Variants in FXN observed in about 807,000 individuals in gnomAD.
FXN encodes frataxin, mitochondrial.
Under a neutral mutation model 22.4 loss-of-function variants are expected in FXN, and 14 were observed. The observed-to-expected ratio is 0.62, with a 90% CI of 0.41 to 0.98. FXN has a LOEUF of 0.98. Ranked by LOEUF, FXN falls within the 50% of genes least tolerant of loss-of-function variation. FXN has a pLI of 0.00. For synonymous variants in FXN, 120 were observed against 114.1 expected, an observed-to-expected ratio of 1.05 and a Z score of -0.33; for missense variants, 267 against 268.4, an observed-to-expected ratio of 0.99 and a Z score of 0.04.
rs1359522192 is a variant in FXN, at chr9:69,075,569, C to T, written c.*2807C>T. On this transcript the variant is annotated 3_prime_UTR_variant, in exon 5 of 5. Coordinates refer to ENST00000484259, the MANE Select transcript of FXN (RefSeq NM_000144.5). ...ACTGGAAAAGTACCACTGTGTGTAC[C>T]AATAGCCTCCCCACCACAGACCCTG... 1.0e-6 allele frequency: 1 copy of T among 985,038 alleles called. No individual in the cohort carries two copies. The highest frequency in any genetic ancestry group is 1.1e-4 in the East Asian group (1 of 8,824). 61.0% of individuals were successfully genotyped at this position (985,038 alleles called of 1,614,324 possible).
Position 69,074,590 on chromosome 9 carries a change from G to GTGAATA in FXN, c.*1829_*1834dup. 3 of 985,126 alleles carry GTGAATA rather than the reference G, an allele frequency of 3.0e-6. No individual in the cohort carries two copies. The highest frequency in any genetic ancestry group is 3.6e-6 in the Non-Finnish European group (3 of 829,844). The allele number at this position is 985,126 out of a possible 1,614,324, so 61.0% of individuals were successfully genotyped here. ...TATGTAGCAAAGGCTTTTCCAATGG[G>GTGAATA]TGAATAAAAACACATTCCATTAAGT... is the stretch of plus-strand genomic sequence containing the variant. On this transcript the variant is annotated 3_prime_UTR_variant, in exon 5 of 5. Coordinates refer to ENST00000484259, the MANE Select transcript of FXN (RefSeq NM_000144.5).
chr9:69,070,293 G>A (rs1011946609), intron 4 of FXN, among the ~76,000 whole-genome samples: 18 of 151,970 alleles, frequency 1.2e-4, no homozygotes, highest in Non-Finnish European at 1.9e-4. Context: ...CATTGAGAGA[G>A]TGCTCCAGGC....
chr9:69,065,171 TAG>T, intron 4 of FXN, 136 bp downstream of exon 4: 1 of 715,770 alleles, frequency 1.4e-6, no homozygotes, highest in Non-Finnish European at 2.5e-6. Context: ...GAGGCTGAGG[TAG>T]GAGGATCACT....
intron 1 of FXN, among the ~76,000 whole-genome samples, chr9:69,044,135 A>G (rs906649488): frequency 2.0e-5 from 3 of 152,198 alleles, no homozygotes; most frequent in Non-Finnish European, 4.4e-5. Flanking sequence ...CTTACAGGGT[A>G]CCTAGCCTTG....
chr9:69,043,355 A>G (rs2133098315), intron 1 of FXN: 1 of 152,300 alleles, frequency 6.6e-6, no homozygotes. Context: ...GAGAAAATGC[A>G]TGTGTTAGAG....
chr9:69,053,094 G>T (rs1411676374), intron 2 of FXN, 46 bp from the exon 3 acceptor site: 3 of 1,598,462 alleles, frequency 1.9e-6, no homozygotes, highest in Non-Finnish European at 2.6e-6. Flanking sequence ...TTAATAAAAT[G>T]GAAGCATTTG....
intron 4 of FXN, among the ~76,000 whole-genome samples, chr9:69,066,309 G>A (rs139838469): frequency 1.8e-4 from 27 of 152,242 alleles, no homozygotes; most frequent in African/African-American, 6.3e-4. Flanking sequence ...CCCTAACATT[G>A]ACATCATTTT....
chr9:69,075,012 GCTGCT>G lies in FXN; in HGVS notation c.*2254_*2258del. 1 of 985,434 alleles carries G rather than the reference GCTGCT, an allele frequency of 1.0e-6. No homozygotes were observed. Among genetic ancestry groups the G allele is most frequent in the African/African-American group, 1.7e-5 (1 of 57,346 alleles). 61.0% of individuals were successfully genotyped at this position (985,434 alleles called of 1,614,324 possible). A position where few individuals can be genotyped will look rare whatever the true frequency, so the allele number is the denominator to read the frequency against. On this transcript the variant is annotated 3_prime_UTR_variant, in exon 5 of 5. Transcript: ENST00000484259. ...CAGCACAAAAGAGGTATGCAGTGGGGCTGCTCTGACATGAAAGTGGAAGTTAAGGA... is the reference window on the plus strand; with the variant it reads ...CAGCACAAAAGAGGTATGCAGTGGGGCTGACATGAAAGTGGAAGTTAAGGA...
intron 1 of FXN, among the ~76,000 whole-genome samples, chr9:69,044,971 A>C (rs1414519002): frequency 6.6e-6 from 1 of 152,146 alleles, no homozygotes; most frequent in African/African-American, 2.4e-5. Context: ...TGCCTCTCTT[A>C]GTGACCTTTT....
intron 1 of FXN, among the ~76,000 whole-genome samples, chr9:69,039,743 T>C (rs1469948152): frequency 3.3e-5 from 5 of 152,326 alleles, no homozygotes; most frequent in Admixed American, 2.6e-4. Context: ...GAGAAGGAGA[T>C]AACTGGATGT....
intron 1 of FXN, chr9:69,036,323 C>T (rs1831551040): frequency 6.2e-6 from 1 of 161,640 alleles, no homozygotes; most frequent in African/African-American, 2.4e-5. Context: ...TAGATGGTAT[C>T]TGCTAGTATA....
rs72724260 is a variant in FXN, at chr9:69,076,767, C to A, written c.*4005C>A. On this transcript the variant is annotated 3_prime_UTR_variant, in exon 5 of 5. Transcript: ENST00000484259. The stretch of plus-strand genomic sequence containing the variant: ...ATTTTAGTCCGTGTCCAGTTGGATT[C>A]TTGGCACATAGTTATCTTCTGCTAG... 0.017 allele frequency: 16,418 copies of A among 985,416 alleles called. 154 individuals carry two copies. Among genetic ancestry groups the A allele is most frequent in the Non-Finnish European group, 0.019 (15,476 of 829,914 alleles). The allele number at this position is 985,416 out of a possible 1,614,324, so 61.0% of individuals were successfully genotyped here.
At chr9:69,051,277 G>A (rs997938638) in intron 2 of FXN, among the ~76,000 whole-genome samples, 2 of 151,926 alleles carry the variant, frequency 1.3e-5, no homozygotes, top group African/African-American at 4.8e-5. Flanking sequence ...TTAATTTTTG[G>A]TAGAGACGGG....
At position 69,075,043 on chromosome 9, in the gene FXN, A is replaced by C; in HGVS notation, c.*2281A>C. On this transcript the variant is annotated 3_prime_UTR_variant, in exon 5 of 5. Coordinates refer to ENST00000484259, the MANE Select transcript of FXN (RefSeq NM_000144.5). ...CTGACATGAAAGTGGAAGTTAAGGA[A>C]TCTGGGCTCTTATGGGGTCCTTGTG... 1.0e-6 allele frequency: 1 copy of C among 985,406 alleles called. No homozygotes were observed. Among genetic ancestry groups the C allele is most frequent in the Non-Finnish European group, 1.2e-6 (1 of 829,946 alleles). The allele number at this position is 985,406 out of a possible 1,614,324, so 61.0% of individuals were successfully genotyped here.
chr9:69,046,368 T>C lies in FXN; in HGVS notation c.166-17T>C. 1 of 1,594,918 alleles carries C rather than the reference T, an allele frequency of 6.3e-7. No homozygotes were observed. Among genetic ancestry groups the C allele is most frequent in the African/African-American group, 1.3e-5 (1 of 74,616 alleles). On this transcript the variant is annotated splice_polypyrimidine_tract_variant and intron_variant, in intron 1 of 4. Transcript: ENST00000484259. ...TCACTGAAAAATAGTAACGTACTTCTTAACTTTGGCTTTCAGAGTTCGAAC... is the reference window on the plus strand; with the variant it reads ...TCACTGAAAAATAGTAACGTACTTCCTAACTTTGGCTTTCAGAGTTCGAAC...
At chr9:69,048,991 G>A (rs778855294) in intron 2 of FXN, among the ~76,000 whole-genome samples, 4 of 152,114 alleles carry the variant, frequency 2.6e-5, no homozygotes, top group South Asian at 2.1e-4. Flanking sequence ...CTCGGCTTCC[G>A]GCATTCCTCC....
chr9:69,036,681 T>C (rs1221115738), intron 1 of FXN, among the ~76,000 whole-genome samples: 1 of 152,224 alleles, frequency 6.6e-6, no homozygotes, highest in Admixed American at 6.5e-5. Context: ...GAGGATTAAA[T>C]GGGAATAACA....
In FXN at chr9:69,076,036, G is replaced by T; in HGVS notation, c.*3274G>T. Reference sequence around the variant, plus strand: ...CTTTTTCTATTATTTTTACCTTCTTGAGTGGGTAGAACCTCAGCCACATAG... The same window carrying T: ...CTTTTTCTATTATTTTTACCTTCTTTAGTGGGTAGAACCTCAGCCACATAG... On this transcript the variant is annotated 3_prime_UTR_variant, in exon 5 of 5. Transcript: ENST00000484259. The T allele has an allele frequency of 1.0e-6, 1 of 984,314 alleles. No homozygotes were observed. The highest frequency in any genetic ancestry group is 4.7e-5 in the South Asian group (1 of 21,252). 61.0% of individuals were successfully genotyped at this position (984,314 alleles called of 1,614,324 possible).
intron 4 of FXN, among the ~76,000 whole-genome samples, chr9:69,067,420 A>G (rs1832188673): frequency 6.6e-6 from 1 of 152,230 alleles, no homozygotes; most frequent in African/African-American, 2.4e-5. Context: ...CCTGTGGCAA[A>G]TGGCATGACC....
Sources: gnomAD v4.1 joint callset for allele counts (sites outside exome capture counted in the v4.1 genomes callset) on GRCh38, gnomAD v4.1.1 for gene constraint, MANE v1.5 for transcripts, NCBI Gene and HGNC (gene_info 2026-07-23, HGNC 2026-07-21) for gene names.